The following KCNQ3 variants were observed in gnomAD, a reference collection of about 807,000 sequenced individuals.
The protein encoded by KCNQ3 is potassium voltage-gated channel subfamily Q member 3.
A neutral mutation model predicts 92.5 loss-of-function variants in KCNQ3; 30 were observed. The observed-to-expected ratio is 0.32, with a 90% CI of 0.24 to 0.44. KCNQ3 has a LOEUF of 0.44. Among genes scored for constraint, KCNQ3 ranks in the 20% least tolerant of loss-of-function variants. KCNQ3 has a pLI of 1.00. For synonymous variants in KCNQ3, 450 were observed against 468.8 expected (o/e 0.96, Z 0.52); for missense variants, 913 against 1,140.3 (o/e 0.80, Z 2.87).
rs542785762 is a variant in KCNQ3 at position 132,328,966 on chromosome 8, G to A, written c.387-142785C>T. 2.2e-4 allele frequency among the ~76,000 whole-genome samples: 34 copies of A among 151,992 alleles called. 1 individual carries two copies. Among genetic ancestry groups the A allele is most frequent in the Admixed American group, 1.1e-3 (17 of 15,248 alleles). The stretch of plus-strand genomic sequence containing the variant: ...TAAATCTGCTGTCACATCTCTACCC[G>A]CCCATTCAGTTACTGAGCTCTTTAC... On this transcript the variant is annotated intron_variant, in intron 1 of 14. Transcript: ENST00000388996.
intron 1 of KCNQ3, chr8:132,278,092 C>A (rs760898675): frequency 1.8e-5 from 18 of 985,368 alleles, no homozygotes; most frequent in Non-Finnish European, 2.0e-5. Flanking sequence ...TCCTCAAAGA[C>A]CATGAGATTT....
intron 1 of KCNQ3, among the ~76,000 whole-genome samples, chr8:132,241,110 A>G (rs1814984322): frequency 6.6e-6 from 1 of 152,030 alleles, no homozygotes; most frequent in African/African-American, 2.4e-5. Context: ...GCTGGTCTCA[A>G]ACTCCTGACC....
At chr8:132,298,629 C>G (rs766304073) in intron 1 of KCNQ3, among the ~76,000 whole-genome samples, 1 of 152,136 alleles carries the variant, frequency 6.6e-6, no homozygotes, top group African/African-American at 2.4e-5. Context: ...TGTACTCGGC[C>G]GGGCACAGTG....
rs553539721 is a variant in KCNQ3 at position 132,136,046 on chromosome 8, G to A, written c.1701-1658C>T. On this transcript the variant is annotated intron_variant, in intron 12 of 14. Transcript: ENST00000388996. Reference sequence around the variant, plus strand: ...AGGCAGGAGAATCACTTGAACCCGGGAGGCAGAGGTTGCAGTGAGCCGAGA... The same window carrying A: ...AGGCAGGAGAATCACTTGAACCCGGAAGGCAGAGGTTGCAGTGAGCCGAGA... Among the ~76,000 whole-genome samples, 7 of 146,986 alleles carry A rather than the reference G, an allele frequency of 4.8e-5. No homozygotes were observed. The East Asian group carries it at 1.5e-3, about 31-fold the overall frequency.
intron 1 of KCNQ3, among the ~76,000 whole-genome samples, chr8:132,361,107 G>T (rs2130722559): frequency 6.6e-6 from 1 of 152,300 alleles, no homozygotes; most frequent in African/African-American, 2.4e-5. Context: ...ACAGATAAGG[G>T]GGCTGAGGTA....
intron 1 of KCNQ3, among the ~76,000 whole-genome samples, chr8:132,242,820 T>C (rs770777301): frequency 1.3e-5 from 2 of 152,242 alleles, no homozygotes; most frequent in Non-Finnish European, 2.9e-5. Flanking sequence ...GCAATGTTTA[T>C]GTTCATTTAT....
intron 12 of KCNQ3, among the ~76,000 whole-genome samples, 170 bp from the exon 13 acceptor site, chr8:132,134,558 AGGAG>A (rs1563765012): frequency 3.3e-5 from 5 of 150,812 alleles, no homozygotes; most frequent in Admixed American, 6.6e-5. Context: ...AAGTGAGGAG[AGGAG>A]AGGGGAGGAG....
At chr8:132,398,785 A>G (rs538866584) in intron 1 of KCNQ3, among the ~76,000 whole-genome samples, 1 of 152,314 alleles carries the variant, frequency 6.6e-6, no homozygotes, top group African/African-American at 2.4e-5. Flanking sequence ...GAGAGAAGGA[A>G]GCCAGCAAAT....
At position 132,172,971 on chromosome 8, in the gene KCNQ3, C is replaced by T. The variant is rs115115273; in HGVS notation, c.1045-278G>A. 9.6e-3 allele frequency among the ~76,000 whole-genome samples: 1,456 copies of T among 152,292 alleles called. 14 individuals carry two copies. Among genetic ancestry groups the T allele is most frequent in the Middle Eastern group, 0.027 (8 of 292 alleles). On this transcript the variant is annotated intron_variant, in intron 6 of 14. Coordinates refer to ENST00000388996, the MANE Select transcript of KCNQ3 (RefSeq NM_004519.4). ...TGAGGGCCTGGGCAAGCCCCTTAGC[C>T]CTGTTGCATATTGGTTTTTTCTATA...
chr8:132,304,652 T>C (rs1817359779), intron 1 of KCNQ3, among the ~76,000 whole-genome samples: 1 of 152,176 alleles, frequency 6.6e-6, no homozygotes, highest in South Asian at 2.1e-4. Context: ...ATGTCCCAAG[T>C]AGGACCATAT....
chr8:132,480,963 C>T lies in KCNQ3; in HGVS notation c.-431G>A, dbSNP rs541901872. 525 of 154,812 alleles carry T rather than the reference C, an allele frequency of 3.4e-3. 1 individual carries two copies. Among genetic ancestry groups the T allele is most frequent in the Non-Finnish European group, 6.1e-3 (430 of 70,374 alleles). The allele number at this position is 154,812 out of a possible 1,614,324, so 9.6% of individuals were successfully genotyped here. A position where few individuals can be genotyped will look rare whatever the true frequency, so the allele number is the denominator to read the frequency against. On this transcript the variant is annotated 5_prime_UTR_variant, in exon 1 of 15. Coordinates refer to ENST00000388996, the MANE Select transcript of KCNQ3 (RefSeq NM_004519.4). Reference sequence around the variant, plus strand: ...AAGCCCGGTGCCAGCCGCCCTCCCGCCCGCCAGCCACACGCGCCGCCGCCG... The same window carrying T: ...AAGCCCGGTGCCAGCCGCCCTCCCGTCCGCCAGCCACACGCGCCGCCGCCG...
At chr8:132,348,038 T>G (rs1228805427) in intron 1 of KCNQ3, among the ~76,000 whole-genome samples, 1 of 150,110 alleles carries the variant, frequency 6.7e-6, no homozygotes, top group Non-Finnish European at 1.5e-5. Flanking sequence ...GAGCAGACCT[T>G]GAGGATGCTC....
chr8:132,180,675 G>T lies in KCNQ3; in HGVS notation c.605-346C>A, dbSNP rs1489183346. On this transcript the variant is annotated intron_variant, in intron 3 of 14. Transcript: ENST00000388996. ...TCACTCTGGGGCCCAGAGGACAGCT[G>T]CAGCTGCTCAGCCTATGGAGGTAAA... Among the ~76,000 whole-genome samples, 7 of 152,232 alleles carry T rather than the reference G, an allele frequency of 4.6e-5. No individual in the cohort carries two copies. In the South Asian group the frequency reaches 6.2e-4, roughly 14 times the overall value.
chr8:132,319,106 A>G (rs761978879), intron 1 of KCNQ3, among the ~76,000 whole-genome samples: 26 of 152,232 alleles, frequency 1.7e-4, no homozygotes, highest in Non-Finnish European at 3.1e-4. Context: ...AGTAAGTGAA[A>G]GGGCATGTCT....
At chr8:132,309,728 G>A (rs1273349638) in intron 1 of KCNQ3, among the ~76,000 whole-genome samples, 2 of 152,310 alleles carry the variant, frequency 1.3e-5, no homozygotes, top group South Asian at 2.1e-4. Flanking sequence ...TGAAGAAGCC[G>A]ACAAAGACAG....
In KCNQ3 at chr8:132,132,161, A is replaced by G. The variant is rs768618664; in HGVS notation, c.1884+19T>C. 1.3e-5 allele frequency: 19 copies of G among 1,502,424 alleles called. No homozygotes were observed. The East Asian group carries it at 4.1e-4, about 32-fold the overall frequency. The allele number at this position is 1,502,424 out of a possible 1,614,324, so 93.1% of individuals were successfully genotyped here. A position where few individuals can be genotyped will look rare whatever the true frequency, so the allele number is the denominator to read the frequency against. On this transcript the variant is annotated intron_variant, in intron 14 of 14. Coordinates refer to ENST00000388996, the MANE Select transcript of KCNQ3 (RefSeq NM_004519.4). ...AATGTCACAGATCCAGTTTTTGGTG[A>G]GAGGAAGAAAAGACTTACCTGTCTT... is the stretch of plus-strand genomic sequence containing the variant.
intron 1 of KCNQ3, among the ~76,000 whole-genome samples, chr8:132,189,076 C>A (rs911138454): frequency 6.6e-6 from 1 of 152,158 alleles, no homozygotes; most frequent in African/African-American, 2.4e-5. Context: ...TGTCATCTCC[C>A]GCTGCTTCCC....
intron 1 of KCNQ3, among the ~76,000 whole-genome samples, chr8:132,448,349 C>T (rs1821733922): frequency 6.7e-6 from 1 of 150,346 alleles, no homozygotes; most frequent in Non-Finnish European, 1.5e-5. Context: ...AAGCAAGATC[C>T]CTGGGACGCC....
chr8:132,198,188 T>C (rs62519636), intron 1 of KCNQ3, among the ~76,000 whole-genome samples: 10,291 of 152,248 alleles, frequency 0.068, 497 homozygotes, highest in African/African-American at 0.12. Flanking sequence ...AAATGTGGCC[T>C]CTGGCCAACA....
Sources: gnomAD v4.1 joint callset for allele counts (sites outside exome capture counted in the v4.1 genomes callset) on GRCh38, gnomAD v4.1.1 for gene constraint, MANE v1.5 for transcripts, NCBI Gene and HGNC (gene_info 2026-07-23, HGNC 2026-07-21) for gene names.